The following LYPLA2 variants were observed in gnomAD, a reference collection of about 807,000 sequenced individuals.
LYPLA2 encodes lysophospholipase 2, also known as acyl-protein thioesterase 2.
In LYPLA2, 7 loss-of-function variants were observed where a neutral mutation model predicts 30.3. The ratio of observed to expected loss-of-function variants is 0.23; its 90% confidence interval spans 0.13 to 0.43. The LOEUF (loss-of-function observed/expected upper bound fraction) is 0.43, where lower values mean the gene tolerates loss of function less well. Ranked by LOEUF, LYPLA2 falls within the 20% of genes least tolerant of loss-of-function variation. The pLI is 1.00. For synonymous variants in LYPLA2, 112 were observed against 118.2 expected, an observed-to-expected ratio of 0.95 and a Z score of 0.34; for missense variants, 206 against 307.9, an observed-to-expected ratio of 0.67 and a Z score of 2.48.
chr1:23,791,246 T>G lies in LYPLA2; in HGVS notation c.-31T>G. The stretch of plus-strand genomic sequence containing the variant: ...AAGCGGCCTCGGAAGTCCCAGGGAG[T>G]GGAGGTACCCAGCCGGCGGCTGCGG... On this transcript the variant is annotated 5_prime_UTR_variant, in exon 1 of 10. Transcript: ENST00000374514. 2 of 135,938 alleles carry G rather than the reference T, an allele frequency of 1.5e-5. No individual in the cohort carries two copies. The highest frequency in any genetic ancestry group is 2.4e-4 in the South Asian group (1 of 4,174). The allele number at this position is 135,938 out of a possible 1,614,324, so 8.4% of individuals were successfully genotyped here.
chr1:23,794,268 T>G lies in LYPLA2; in HGVS notation c.414T>G (p.Pro138=), dbSNP rs763495659. 6.2e-7 allele frequency: 1 copy of G among 1,611,950 alleles called. No homozygotes were observed. The highest frequency in any genetic ancestry group is 1.1e-5 in the South Asian group (1 of 90,968). ...SLYTALTCPH[P]LAGIVALSCW... is the part of the protein sequence containing the mutation. ...ACACGGCCCTCACCTGCCCCCACCCTCTGGCTGGCATCGTGGCGTTGAGCT... is the reference window on the plus strand; with the variant it reads ...ACACGGCCCTCACCTGCCCCCACCCGCTGGCTGGCATCGTGGCGTTGAGCT... The change falls in exon 8 of 10, where the codon CCT becomes CCG. Residue 138 remains proline, a synonymous_variant. Transcript: ENST00000374514. The surrounding 1 kb of genome is among the most constrained non-coding windows in gnomAD (Gnocchi z 5.9).
At position 23,792,663 on chromosome 1, in the gene LYPLA2, G is replaced by C; in HGVS notation, c.-20G>C. On this transcript the variant is annotated 5_prime_UTR_variant, in exon 2 of 10. Transcript: ENST00000374514. ...GCCGCCCCGATGTATGCAGGCCCCC[G>C]CCGTGGAGCCGTGTGGTGTATGTGT... 6.2e-7 allele frequency: 1 copy of C among 1,609,972 alleles called. No homozygotes were observed. Among genetic ancestry groups the C allele is most frequent in the Non-Finnish European group, 8.5e-7 (1 of 1,178,650 alleles).
Position 23,795,460 on chromosome 1 carries a change from C to T in LYPLA2, c.*728C>T, listed in dbSNP as rs1201379659. ...CAGTGGGGGAGGAGTTGTGTCTCGT[C>T]TTCTGTCTCCATGTGGTTTTTGGGT... On this transcript the variant is annotated 3_prime_UTR_variant, in exon 10 of 10. Coordinates refer to ENST00000374514, the MANE Select transcript of LYPLA2 (RefSeq NM_007260.3). 1 of 220,620 alleles carries T rather than the reference C, an allele frequency of 4.5e-6. No homozygotes were observed. The highest frequency in any genetic ancestry group is 2.3e-5 in the African/African-American group (1 of 42,642). The allele number at this position is 220,620 out of a possible 1,614,324, so 13.7% of individuals were successfully genotyped here.
chr1:23,793,231 A>G lies in LYPLA2; in HGVS notation c.176+15A>G, dbSNP rs769129056. ...TGTCCCCATGCGTGAGTGTCACCCC[A>G]GCAAGGGAGGGGCTGAGGCTGGGGA... is the stretch of plus-strand genomic sequence containing the variant. On this transcript the variant is annotated intron_variant, in intron 4 of 9. Transcript: ENST00000374514. This position sits in a 1 kb window ranked among gnomAD's most constrained non-coding sequence, Gnocchi z 6.0. 11 of 1,612,396 alleles carry G rather than the reference A, an allele frequency of 6.8e-6. No homozygotes were observed. Among genetic ancestry groups the G allele is most frequent in the Non-Finnish European group, 8.5e-6 (10 of 1,179,366 alleles).
Position 23,794,660 on chromosome 1 carries a change from G to A in LYPLA2, c.646-22G>A, listed in dbSNP as rs756081735. The A allele has an allele frequency of 6.2e-7, 1 of 1,614,198 alleles. No individual in the cohort carries two copies. Among genetic ancestry groups the A allele is most frequent in the Non-Finnish European group, 8.5e-7 (1 of 1,180,022 alleles). On this transcript the variant is annotated intron_variant, in intron 9 of 9. Transcript: ENST00000374514. The surrounding 1 kb of genome is among the most constrained non-coding windows in gnomAD (Gnocchi z 5.9). ...CTGCCTCCAGCCAGGTGCCTCTCGT[G>A]ATCCCCTCTTAATCCCCTCAGGAGA... is the stretch of plus-strand genomic sequence containing the variant.
rs1638782664 is a variant in LYPLA2 at position 23,791,193 on chromosome 1, GTC to G, written c.-82_-81del. The G allele has an allele frequency of 6.5e-6, 1 of 152,744 alleles. No individual in the cohort carries two copies. Among genetic ancestry groups the G allele is most frequent in the Non-Finnish European group, 1.5e-5 (1 of 68,126 alleles). 9.5% of individuals were successfully genotyped at this position (152,744 alleles called of 1,614,324 possible). On this transcript the variant is annotated 5_prime_UTR_variant, in exon 1 of 10. Transcript: ENST00000374514. ...GGGGGCGGCCGAGGGGGAAGAGTGT[GTC>G]TGCGGGAGAAAGAGGAGAATCGCCC...
Position 23,793,813 on chromosome 1 carries a change from G to T in LYPLA2, c.225-47G>T. 6.2e-7 allele frequency: 1 copy of T among 1,611,904 alleles called. No individual in the cohort carries two copies. The highest frequency in any genetic ancestry group is 2.2e-5 in the East Asian group (1 of 44,872). On this transcript the variant is annotated intron_variant, in intron 5 of 9. Coordinates refer to ENST00000374514, the MANE Select transcript of LYPLA2 (RefSeq NM_007260.3). The surrounding 1 kb of genome is among the most constrained non-coding windows in gnomAD (Gnocchi z 6.0). Reference sequence around the variant, plus strand: ...GACACTTGGGCTGAGGGAGCCACAGGGGGCTGGCTGGGGTTTTCTATAGCT... The same window carrying T: ...GACACTTGGGCTGAGGGAGCCACAGTGGGCTGGCTGGGGTTTTCTATAGCT...
chr1:23,793,130 T>C lies in LYPLA2; in HGVS notation c.111-21T>C, dbSNP rs774117027. ...TTCTCTTCCTACCACATCGGAGCCT[T>C]TTCTCCCGTCCCTCCTACAGGCACA... is the stretch of plus-strand genomic sequence containing the variant. On this transcript the variant is annotated intron_variant, in intron 3 of 9. Transcript: ENST00000374514. This position sits in a 1 kb window ranked among gnomAD's most constrained non-coding sequence, Gnocchi z 6.0. 7 of 1,613,902 alleles carry C rather than the reference T, an allele frequency of 4.3e-6. No homozygotes were observed. The Admixed American group carries it at 6.7e-5, about 15-fold the overall frequency.
intron 1 of LYPLA2, among the ~76,000 whole-genome samples, chr1:23,792,298 A>G (rs968939972): frequency 2.0e-5 from 3 of 151,990 alleles, no homozygotes; most frequent in Admixed American, 1.3e-4. Flanking sequence ...AGGAGGGGGA[A>G]GGCACTCACC....
At position 23,795,283 on chromosome 1, in the gene LYPLA2, TCC is replaced by T. The variant is rs1271103654; in HGVS notation, c.*553_*554del. 1 of 243,328 alleles carries T rather than the reference TCC, an allele frequency of 4.1e-6. No individual in the cohort carries two copies. The highest frequency in any genetic ancestry group is 8.3e-6 in the Non-Finnish European group (1 of 120,508). The allele number at this position is 243,328 out of a possible 1,614,324, so 15.1% of individuals were successfully genotyped here. ...AGGTGGAGCCTTTTGAGGGGGGCCT[TCC>T]CTCAGCTGTTTCCCCACACTGGGGG... On this transcript the variant is annotated 3_prime_UTR_variant, in exon 10 of 10. Coordinates refer to ENST00000374514, the MANE Select transcript of LYPLA2 (RefSeq NM_007260.3).
In LYPLA2 at chr1:23,794,515, C is replaced by T. The variant is rs1322014831; in HGVS notation, c.560C>T (p.Thr187Met). 5 of 1,614,102 alleles carry T rather than the reference C, an allele frequency of 3.1e-6. No homozygotes were observed. The highest frequency in any genetic ancestry group is 3.3e-5 in the Admixed American group (2 of 60,008). The change falls in exon 9 of 10, where the codon ACG becomes ATG. Residue 187 changes from threonine (T) to methionine (M), a missense_variant. Coordinates refer to ENST00000374514, the MANE Select transcript of LYPLA2 (RefSeq NM_007260.3). This position sits in a 1 kb window ranked among gnomAD's most constrained non-coding sequence, Gnocchi z 5.9. Reference sequence around the variant, plus strand: ...GTGCCCGTACGGTTTGGGGCCCTGACGGCTGAGAAGCTCCGGTCTGTTGTC... The same window carrying T: ...GTGCCCGTACGGTTTGGGGCCCTGATGGCTGAGAAGCTCCGGTCTGTTGTC... ...PMVPVRFGAL[T>M]AEKLRSVVTP...
In LYPLA2 at chr1:23,793,529, C is replaced by T; in HGVS notation, c.177-176C>T. The T allele has an allele frequency of 2.8e-6, 2 of 712,646 alleles. No homozygotes were observed. Among genetic ancestry groups the T allele is most frequent in the Non-Finnish European group, 2.5e-6 (1 of 404,434 alleles). The allele number at this position is 712,646 out of a possible 1,614,324, so 44.1% of individuals were successfully genotyped here. A position where few individuals can be genotyped will look rare whatever the true frequency, so the allele number is the denominator to read the frequency against. On this transcript the variant is annotated intron_variant, in intron 4 of 9. Transcript: ENST00000374514. The surrounding 1 kb of genome is among the most constrained non-coding windows in gnomAD (Gnocchi z 6.0). ...GGGCTCTGCTTCTCCATTACTGGCG[C>T]TTTGCCCCAACCACAGCCTCCAGCC...
Position 23,794,510 on chromosome 1 carries a change from C to A in LYPLA2, c.555C>A (p.Ala185=). The part of the protein sequence containing the change: ...LDPMVPVRFG[A]LTAEKLRSVV... ...CCATGGTGCCCGTACGGTTTGGGGCCCTGACGGCTGAGAAGCTCCGGTCTG... is the reference window on the plus strand; with the variant it reads ...CCATGGTGCCCGTACGGTTTGGGGCACTGACGGCTGAGAAGCTCCGGTCTG... Residue 185 remains alanine (A), a synonymous_variant, in exon 9 of 10, where the codon GCC becomes GCA. Transcript: ENST00000374514. This position sits in a 1 kb window ranked among gnomAD's most constrained non-coding sequence, Gnocchi z 5.9. 1.2e-6 allele frequency: 2 copies of A among 1,614,112 alleles called. No individual in the cohort carries two copies. Among genetic ancestry groups the A allele is most frequent in the Non-Finnish European group, 1.7e-6 (2 of 1,179,998 alleles).
chr1:23,794,039 A>C lies in LYPLA2; in HGVS notation c.296-24A>C. Reference sequence around the variant, plus strand: ...TTGGGCCCCTTGGCAGCTTCCCTCTACCCACTCATGCCCCCTCCCCCAGTC... The same window carrying C: ...TTGGGCCCCTTGGCAGCTTCCCTCTCCCCACTCATGCCCCCTCCCCCAGTC... On this transcript the variant is annotated intron_variant, in intron 6 of 9. Coordinates refer to ENST00000374514, the MANE Select transcript of LYPLA2 (RefSeq NM_007260.3). This position sits in a 1 kb window ranked among gnomAD's most constrained non-coding sequence, Gnocchi z 5.9. The C allele has an allele frequency of 2.5e-6, 4 of 1,606,432 alleles. No individual in the cohort carries two copies. Among genetic ancestry groups the C allele is most frequent in the Non-Finnish European group, 3.4e-6 (4 of 1,175,306 alleles).
At position 23,793,320 on chromosome 1, in the gene LYPLA2, G is replaced by C. The variant is rs768301834; in HGVS notation, c.176+104G>C. 3.4e-5 allele frequency: 41 copies of C among 1,216,062 alleles called. No individual in the cohort carries two copies. The highest frequency in any genetic ancestry group is 6.0e-5 in the African/African-American group (4 of 66,636). The allele number at this position is 1,216,062 out of a possible 1,614,324, so 75.3% of individuals were successfully genotyped here. On this transcript the variant is annotated intron_variant, in intron 4 of 9. Coordinates refer to ENST00000374514, the MANE Select transcript of LYPLA2 (RefSeq NM_007260.3). This position sits in a 1 kb window ranked among gnomAD's most constrained non-coding sequence, Gnocchi z 6.0. ...TCCTGTCAGTTGCATCCTGGGGCTT[G>C]GGCTCAGGGCAGTCAGAAGTGGCAT...
intron 2 of LYPLA2, 43 bp downstream of exon 2, chr1:23,792,803 G>C: frequency 6.5e-7 from 1 of 1,546,442 alleles, no homozygotes; most frequent in East Asian, 2.2e-5. Flanking sequence ...TGTGGGAGCA[G>C]CTGGAGGACC....
rs1638839059 is a variant in LYPLA2 at position 23,793,383 on chromosome 1, G to T, written c.176+167G>T. On this transcript the variant is annotated intron_variant, in intron 4 of 9. Coordinates refer to ENST00000374514, the MANE Select transcript of LYPLA2 (RefSeq NM_007260.3). The surrounding 1 kb of genome is among the most constrained non-coding windows in gnomAD (Gnocchi z 6.0). ...CTCCTGTGGAGCCCCCAGGAGTGGG[G>T]TCCAGCACCAGCCCCCAGCCCTAGG... is the stretch of plus-strand genomic sequence containing the variant. Among the ~76,000 whole-genome samples the T allele has an allele frequency of 6.6e-6, 1 of 152,154 alleles. No homozygotes were observed. Among genetic ancestry groups the T allele is most frequent in the South Asian group, 2.1e-4 (1 of 4,838 alleles).
chr1:23,794,588 C>G lies in LYPLA2; in HGVS notation c.633C>G (p.Ser211Arg). Residue 211 changes from serine to arginine, a missense_variant, in exon 9 of 10, where the codon AGC becomes AGG. Physicochemically the swap from Ser to Arg is moderately radical, Grantham distance 110. Transcript: ENST00000374514. This position sits in a 1 kb window ranked among gnomAD's most constrained non-coding sequence, Gnocchi z 5.9. ...QFKTYPGVMH[S>R]SCPQEMAAVK... ...AGACATACCCGGGTGTCATGCACAG[C>G]TCCTGTCCTCAGGTCAGTGGGGGGA... is the stretch of plus-strand genomic sequence containing the variant. The G allele has an allele frequency of 1.2e-6, 2 of 1,614,166 alleles. No individual in the cohort carries two copies.
Position 23,793,792 on chromosome 1 carries a change from C to T in LYPLA2, c.224+40C>T. 1 of 1,612,990 alleles carries T rather than the reference C, an allele frequency of 6.2e-7. No homozygotes were observed. The highest frequency in any genetic ancestry group is 8.5e-7 in the Non-Finnish European group (1 of 1,178,996). On this transcript the variant is annotated intron_variant, in intron 5 of 9. Coordinates refer to ENST00000374514, the MANE Select transcript of LYPLA2 (RefSeq NM_007260.3). The surrounding 1 kb of genome is among the most constrained non-coding windows in gnomAD (Gnocchi z 6.0). ...GGGGGTGGGCAGGGGGACGAGGACA[C>T]TTGGGCTGAGGGAGCCACAGGGGGC...
Sources: gnomAD v4.1 joint callset for allele counts (sites outside exome capture counted in the v4.1 genomes callset) on GRCh38, gnomAD v4.1.1 for gene constraint, Gnocchi (gnomAD v3.1) non-coding constraint, MANE v1.5 for transcripts, NCBI Gene and HGNC (gene_info 2026-07-23, HGNC 2026-07-21) for gene names.